Variants in USP15 observed in about 807,000 individuals in gnomAD.
USP15 encodes ubiquitin carboxyl-terminal hydrolase 15.
Under a neutral mutation model 127.1 loss-of-function variants are expected in USP15, and 18 were observed. The ratio of observed to expected loss-of-function variants is 0.14; its 90% CI spans 0.10 to 0.21. USP15 has a LOEUF of 0.21. Among genes scored for constraint, USP15 ranks in the 10% least tolerant of loss-of-function variants. USP15 has a pLI of 1.00. For missense variants in USP15, 805 were observed against 1,159.9 expected (o/e 0.69, Z 4.44); for synonymous variants, 364 against 393.7 (o/e 0.92, Z 0.89).
chr12:62,378,539 G>C (rs907352721), intron 8 of USP15, among the ~76,000 whole-genome samples: 1 of 152,082 alleles, frequency 6.6e-6, no homozygotes, highest in African/African-American at 2.4e-5. Context: ...AATGATTTGT[G>C]TTTTGTTGTT....
intron 8 of USP15, among the ~76,000 whole-genome samples, chr12:62,361,576 T>C (rs1422511106): frequency 1.3e-5 from 2 of 152,040 alleles, no homozygotes; most frequent in African/African-American, 4.8e-5. Context: ...ACAGAAGTTA[T>C]TAATGTAATT....
chr12:62,404,124 A>G, intron 21 of USP15, 69 bp from the exon 22 acceptor site: 1 of 1,368,676 alleles, frequency 7.3e-7, no homozygotes. Flanking sequence ...GTGACCAGCT[A>G]AAAATTCATA....
In USP15 at chr12:62,325,920, C is replaced by CCTTCTACTCCTAAGTAAGTG; in HGVS notation, c.673_683+9dup. 1.9e-6 allele frequency: 3 copies of CCTTCTACTCCTAAGTAAGTG among 1,609,394 alleles called. No homozygotes were observed. Among genetic ancestry groups the CCTTCTACTCCTAAGTAAGTG allele is most frequent in the Non-Finnish European group, 1.7e-6 (2 of 1,177,292 alleles). ...TGAAGATGGAACATGGCCAAGGGGT[C>CCTTCTACTCCTAAGTAAGTG]CTTCTACTCCTAAGTAAGTGCTCCC... On this transcript the variant is annotated stop_gained and frameshift_variant, in exon 6 of 22. Transcript: ENST00000280377. LOFTEE classifies it high-confidence loss of function.
At chr12:62,380,609 C>T (rs2066964166) in intron 8 of USP15, among the ~76,000 whole-genome samples, 1 of 152,008 alleles carries the variant, frequency 6.6e-6, no homozygotes, top group Non-Finnish European at 1.5e-5. Context: ...TTAATTCCAA[C>T]ACAAATATCA....
intron 6 of USP15, among the ~76,000 whole-genome samples, chr12:62,326,803 G>A (rs1016353008): frequency 2.0e-5 from 3 of 152,086 alleles, no homozygotes; most frequent in African/African-American, 7.2e-5. Context: ...TTTTAACCAA[G>A]TGAATAAAAA....
chr12:62,384,474 C>T (rs926009161), intron 11 of USP15, among the ~76,000 whole-genome samples, 172 bp downstream of exon 11: 9 of 151,240 alleles, frequency 6.0e-5, no homozygotes, highest in Admixed American at 5.9e-4. Flanking sequence ...CTTTGGAAAT[C>T]AGTGTAACTT....
rs1188652293 is a variant in USP15, at chr12:62,358,664, C to A, written c.915+3189C>A. On this transcript the variant is annotated intron_variant, in intron 8 of 21. Coordinates refer to ENST00000280377, the MANE Select transcript of USP15 (RefSeq NM_001252078.2). ...CCGGGAGGCAGAGGTTGCAGTGAGC[C>A]AAGATTACACCATTACACTCCAGCC... Among the ~76,000 whole-genome samples, 3 of 151,978 alleles carry A rather than the reference C, an allele frequency of 2.0e-5. No homozygotes were observed. In the East Asian group the frequency reaches 5.8e-4, roughly 29 times the overall value.
intron 1 of USP15, among the ~76,000 whole-genome samples, chr12:62,289,222 T>TTGTTGC (rs1392061497): frequency 6.6e-6 from 1 of 151,772 alleles, no homozygotes; most frequent in Non-Finnish European, 1.5e-5. Context: ...GAGCTTGTTG[T>TTGTTGC]TGTTGTTGTT....
chr12:62,334,921 T>C (rs2065413677), intron 6 of USP15, among the ~76,000 whole-genome samples: 1 of 152,156 alleles, frequency 6.6e-6, no homozygotes, highest in African/African-American at 2.4e-5. Flanking sequence ...TGCATGTTTT[T>C]AGTTGAAACA....
intron 6 of USP15, among the ~76,000 whole-genome samples, chr12:62,328,141 C>T (rs1433668443): frequency 1.3e-5 from 2 of 152,094 alleles, no homozygotes; most frequent in Non-Finnish European, 2.9e-5. Flanking sequence ...GTTCACTATT[C>T]GTATATGATA....
intron 1 of USP15, among the ~76,000 whole-genome samples, chr12:62,282,569 A>G (rs2063685738): frequency 6.6e-6 from 1 of 152,190 alleles, no homozygotes; most frequent in Non-Finnish European, 1.5e-5. Flanking sequence ...TAAATGGAAG[A>G]TTTCAGAAAT....
intron 6 of USP15, among the ~76,000 whole-genome samples, chr12:62,348,148 C>T (rs1192172645): frequency 1.3e-5 from 2 of 152,140 alleles, no homozygotes; most frequent in Admixed American, 1.3e-4. Context: ...GTCAAGGCTG[C>T]AGTGAGCTGT....
At chr12:62,384,606 AT>A (rs1458090952) in intron 11 of USP15, among the ~76,000 whole-genome samples, 1 of 144,640 alleles carries the variant, frequency 6.9e-6, no homozygotes, top group Admixed American at 7.0e-5. Context: ...AATATTTTTA[AT>A]TTTTTTAAAC....
intron 1 of USP15, among the ~76,000 whole-genome samples, chr12:62,289,966 TAAG>T (rs2063910036): frequency 6.6e-6 from 1 of 152,164 alleles, no homozygotes; most frequent in Non-Finnish European, 1.5e-5. Context: ...CACTGTGGTT[TAAG>T]AAGATACTTG....
intron 8 of USP15, among the ~76,000 whole-genome samples, chr12:62,367,690 C>G (rs1355458030): frequency 6.6e-6 from 1 of 151,600 alleles, no homozygotes; most frequent in Non-Finnish European, 1.5e-5. Context: ...CTTTTTGATT[C>G]TTCTCTCTTT....
chr12:62,326,533 T>G (rs923234658), intron 6 of USP15, among the ~76,000 whole-genome samples: 17 of 130,454 alleles, frequency 1.3e-4, no homozygotes, highest in Non-Finnish European at 2.6e-4. Context: ...CTGTAATGTT[T>G]CTGTTTCTGC....
At position 62,390,001 on chromosome 12, in the gene USP15, C is replaced by G. The variant is rs2067272275; in HGVS notation, c.1844+13C>G. On this transcript the variant is annotated intron_variant, in intron 14 of 21. Transcript: ENST00000280377. Reference sequence around the variant, plus strand: ...TCTTGAGAATGTGGTAAGTGCCAGACAATTCTACATTGACAAAATAAATAT... The same window carrying G: ...TCTTGAGAATGTGGTAAGTGCCAGAGAATTCTACATTGACAAAATAAATAT... The G allele has an allele frequency of 6.4e-7, 1 of 1,567,068 alleles. No individual in the cohort carries two copies. The highest frequency in any genetic ancestry group is 8.6e-7 in the Non-Finnish European group (1 of 1,156,978).
chr12:62,380,033 T>C (rs902997799), intron 8 of USP15, among the ~76,000 whole-genome samples: 1 of 152,028 alleles, frequency 6.6e-6, no homozygotes, highest in Non-Finnish European at 1.5e-5. Flanking sequence ...TGCTCACATA[T>C]ATTAAAAAGT....
At chr12:62,340,030 T>G (rs1198481127) in intron 6 of USP15, among the ~76,000 whole-genome samples, 2 of 152,208 alleles carry the variant, frequency 1.3e-5, no homozygotes, top group African/African-American at 4.8e-5. Flanking sequence ...CTTTTGTGGT[T>G]GGTAGGCTAT....
Sources: allele counts gnomAD v4.1 joint callset (sites outside exome capture counted in the v4.1 genomes callset), GRCh38; gene constraint gnomAD v4.1.1; transcripts MANE v1.5; gene names NCBI Gene and HGNC (gene_info 2026-07-23, HGNC 2026-07-21).